Variants in ELOVL6 observed in about 807,000 individuals in gnomAD.
ELOVL6 encodes ELOVL fatty acid elongase 6.
In ELOVL6, 8 loss-of-function variants were observed where a neutral mutation model predicts 31.7. The observed-to-expected ratio is 0.25, with a 90% confidence interval of 0.15 to 0.45. The LOEUF is 0.45. Among genes scored for constraint, ELOVL6 ranks in the 20% least tolerant of loss-of-function variants. ELOVL6 has a pLI of 1.00. For missense variants in ELOVL6, 126 were observed against 326.4 expected, an observed-to-expected ratio of 0.39 and a Z score of 4.73; for synonymous variants, 101 against 117.7, an observed-to-expected ratio of 0.86 and a Z score of 0.92.
intron 1 of ELOVL6, among the ~76,000 whole-genome samples, chr4:110,152,723 G>C (rs1758311285): frequency 1.3e-5 from 2 of 152,210 alleles, no homozygotes; most frequent in African/African-American, 4.8e-5. Flanking sequence ...ATCACACGTA[G>C]AAGTAGTGAG....
chr4:110,060,314 T>C (rs1431225919), intron 2 of ELOVL6, among the ~76,000 whole-genome samples: 2 of 152,128 alleles, frequency 1.3e-5, no homozygotes, highest in Admixed American at 1.3e-4. Context: ...CTCAGAGATG[T>C]CAGAATGAGA....
chr4:110,150,881 A>G (rs921888391), intron 1 of ELOVL6, among the ~76,000 whole-genome samples: 5 of 152,098 alleles, frequency 3.3e-5, no homozygotes, highest in African/African-American at 1.2e-4. Flanking sequence ...TGTCTCTACT[A>G]AAAATACAAA....
chr4:110,197,416 T>G lies in ELOVL6; in HGVS notation c.89+831A>C, dbSNP rs140478925. ...AAGGTGTTTTCCCTGATTATTAGTT[T>G]CCTAGGGAAGAGCCCCTAAGGACTC... On this transcript the variant is annotated intron_variant, in intron 1 of 3. Coordinates refer to ENST00000302274, the MANE Select transcript of ELOVL6 (RefSeq NM_024090.3). Among the ~76,000 whole-genome samples, 492 of 152,282 alleles carry G rather than the reference T, an allele frequency of 3.2e-3. 2 individuals are homozygous for G. Among genetic ancestry groups the G allele is most frequent in the Non-Finnish European group, 4.6e-3 (314 of 68,024 alleles).
At chr4:110,114,275 T>C (rs1757115748) in intron 1 of ELOVL6, among the ~76,000 whole-genome samples, 1 of 152,298 alleles carries the variant, frequency 6.6e-6, no homozygotes, top group East Asian at 1.9e-4. Context: ...AAATATAAAA[T>C]TTTATTGGGC....
intron 1 of ELOVL6, among the ~76,000 whole-genome samples, chr4:110,161,455 A>C (rs983517677): frequency 1.9e-4 from 29 of 152,118 alleles, no homozygotes; most frequent in African/African-American, 7.0e-4. Flanking sequence ...AGGGATGAAA[A>C]ATTGGAGTTG....
chr4:110,176,466 T>C (rs573872303), intron 1 of ELOVL6, among the ~76,000 whole-genome samples: 1 of 152,112 alleles, frequency 6.6e-6, no homozygotes, highest in Non-Finnish European at 1.5e-5. Context: ...AGCCTCAAAG[T>C]TTCTATTTTT....
rs1754826331 is a variant in ELOVL6 at position 110,051,131 on chromosome 4, A to C, written c.*207T>G. 2 of 570,958 alleles carry C rather than the reference A, an allele frequency of 3.5e-6. No individual in the cohort carries two copies. The highest frequency in any genetic ancestry group is 4.2e-5 in the South Asian group (2 of 48,012). The allele number at this position is 570,958 out of a possible 1,614,324, so 35.4% of individuals were successfully genotyped here. On this transcript the variant is annotated 3_prime_UTR_variant, in exon 4 of 4. Coordinates refer to ENST00000302274, the MANE Select transcript of ELOVL6 (RefSeq NM_024090.3). The surrounding 1 kb of genome is among the most constrained non-coding windows in gnomAD (Gnocchi z 4.8). Reference sequence around the variant, plus strand: ...TTCCAGCAGCAGTGCTTGGAGATGGAGGTGCACTCAGTGAGTCCTCACCCT... The same window carrying C: ...TTCCAGCAGCAGTGCTTGGAGATGGCGGTGCACTCAGTGAGTCCTCACCCT...
chr4:110,104,032 G>C (rs1014555344), intron 2 of ELOVL6, among the ~76,000 whole-genome samples: 5 of 152,150 alleles, frequency 3.3e-5, no homozygotes, highest in Non-Finnish European at 7.4e-5. Context: ...AAGATTAAAC[G>C]AAGTAAAATC....
At chr4:110,068,897 CT>C (rs1755382025) in intron 2 of ELOVL6, among the ~76,000 whole-genome samples, 1 of 152,174 alleles carries the variant, frequency 6.6e-6, no homozygotes, top group Non-Finnish European at 1.5e-5. Context: ...AATCCCAACA[CT>C]TTGGAAGACC....
chr4:110,186,677 G>A (rs1396983399), intron 1 of ELOVL6, among the ~76,000 whole-genome samples: 1 of 150,932 alleles, frequency 6.6e-6, no homozygotes, highest in Admixed American at 6.6e-5. Flanking sequence ...GGTGGCACGT[G>A]CCTGTAAGTC....
At chr4:110,130,966 C>T (rs1207531705) in intron 1 of ELOVL6, among the ~76,000 whole-genome samples, 1 of 152,180 alleles carries the variant, frequency 6.6e-6, no homozygotes, top group Non-Finnish European at 1.5e-5. Context: ...TCATTAGATA[C>T]TTCACTCTAA....
intron 2 of ELOVL6, among the ~76,000 whole-genome samples, chr4:110,072,520 A>T (rs1755520443): frequency 6.6e-6 from 1 of 152,252 alleles, no homozygotes; most frequent in Non-Finnish European, 1.5e-5. Context: ...ATGGGAATTT[A>T]TCTGCCAGGT....
intron 1 of ELOVL6, chr4:110,197,810 A>G: frequency 5.3e-6 from 1 of 188,044 alleles, no homozygotes; most frequent in South Asian, 9.3e-5. Flanking sequence ...GTTAAAGGCA[A>G]CAGGAGACAA....
chr4:110,127,418 A>AG (rs1757535520), intron 1 of ELOVL6, among the ~76,000 whole-genome samples: 1 of 150,862 alleles, frequency 6.6e-6, no homozygotes, highest in African/African-American at 2.4e-5. Context: ...AAAAAAAAAA[A>AG]AAAAAAAGAA....
chr4:110,185,840 GA>G (rs1759421993), intron 1 of ELOVL6, among the ~76,000 whole-genome samples: 1 of 152,124 alleles, frequency 6.6e-6, no homozygotes, highest in Non-Finnish European at 1.5e-5. Flanking sequence ...ATAATGGACT[GA>G]AAGGGGCTTC....
chr4:110,066,126 G>A (rs1188782312), intron 2 of ELOVL6, among the ~76,000 whole-genome samples: 2 of 152,270 alleles, frequency 1.3e-5, no homozygotes, highest in South Asian at 4.1e-4. Context: ...AGCAACAGGT[G>A]ATCCAACAGC....
chr4:110,110,143 T>C (rs915212673), intron 1 of ELOVL6, among the ~76,000 whole-genome samples: 2 of 152,156 alleles, frequency 1.3e-5, no homozygotes, highest in Non-Finnish European at 2.9e-5. Context: ...CAACTTATGG[T>C]TCTGAAAGTG....
At chr4:110,072,883 C>T (rs1434496877) in intron 2 of ELOVL6, among the ~76,000 whole-genome samples, 1 of 152,124 alleles carries the variant, frequency 6.6e-6, no homozygotes, top group Non-Finnish European at 1.5e-5. Flanking sequence ...TCAAAGCCTT[C>T]CAGAGTCCTG....
chr4:110,143,781 C>T (rs528517635), intron 1 of ELOVL6, among the ~76,000 whole-genome samples: 8 of 152,244 alleles, frequency 5.3e-5, no homozygotes, highest in African/African-American at 9.6e-5. Context: ...GCAGGCCGGG[C>T]GCAGTGGCTC....
Sources: allele counts gnomAD v4.1 joint callset (sites outside exome capture counted in the v4.1 genomes callset), GRCh38; gene constraint gnomAD v4.1.1; non-coding constraint Gnocchi (gnomAD v3.1); transcripts MANE v1.5; gene names NCBI Gene and HGNC (gene_info 2026-07-23, HGNC 2026-07-21).